Variants in ZNF267 observed in about 807,000 individuals in gnomAD.
ZNF267 encodes zinc finger (C2H2).
Under a neutral mutation model 71.6 loss-of-function variants are expected in ZNF267, and 61 were observed. The observed-to-expected ratio is 0.85, with a 90% CI of 0.69 to 1.05. The LOEUF is 1.05. Among genes scored for constraint, ZNF267 ranks in the 50% least tolerant of loss-of-function variants. The pLI is 0.00. For synonymous variants in ZNF267, 288 were observed against 293.2 expected (o/e 0.98, Z 0.18); for missense variants, 852 against 870.0 (o/e 0.98, Z 0.26).
chr16:31,912,181 CT>C (rs1352112310), intron 3 of ZNF267: 1 of 151,632 alleles, frequency 6.6e-6, no homozygotes, highest in Non-Finnish European at 1.5e-5. Context: ...CATTAACATT[CT>C]TTTCTTACAG....
chr16:31,915,936 C>G lies in ZNF267; in HGVS notation c.1687C>G (p.Leu563Val). Residue 563 changes from leucine (L) to valine (V), a missense_variant, in exon 4 of 4, where the codon CTT becomes GTT. Coordinates refer to ENST00000300870, the MANE Select transcript of ZNF267 (RefSeq NM_003414.6). ...CGKAFPYSSHLIRHHRIHTGE... is the reference protein window; with the variant it reads ...CGKAFPYSSHVIRHHRIHTGE... ...CAAAGCCTTTCCTTATAGTTCACACCTTATTCGACATCATCGAATTCATAC... is the reference window on the plus strand; with the variant it reads ...CAAAGCCTTTCCTTATAGTTCACACGTTATTCGACATCATCGAATTCATAC... The G allele has an allele frequency of 6.2e-7, 1 of 1,613,666 alleles. No homozygotes were observed. The highest frequency in any genetic ancestry group is 8.5e-7 in the Non-Finnish European group (1 of 1,179,928).
chr16:31,896,158 G>A (rs1190615181), intron 3 of ZNF267, among the ~76,000 whole-genome samples: 1 of 141,020 alleles, frequency 7.1e-6, no homozygotes, highest in Admixed American at 7.5e-5. Flanking sequence ...CTATAGACAC[G>A]TGCCACCACA....
intron 3 of ZNF267, among the ~76,000 whole-genome samples, chr16:31,902,262 G>A (rs2084047655): frequency 6.6e-6 from 1 of 152,130 alleles, no homozygotes; most frequent in Non-Finnish European, 1.5e-5. Context: ...GCTTAGGATT[G>A]TCTTGGTGAT....
chr16:31,879,680 C>T (rs987058679), intron 1 of ZNF267, among the ~76,000 whole-genome samples: 9 of 152,264 alleles, frequency 5.9e-5, no homozygotes, highest in Non-Finnish European at 1.0e-4. Flanking sequence ...GATCTTCAGT[C>T]GCTTCTAGAA....
chr16:31,915,391 A>ATTTGTTATAGCT lies in ZNF267; in HGVS notation c.1142_1143insTTTGTTATAGCT (p.Lys381delinsAsnLeuLeuTer). ...ATTGATACTGGAGAAAACCTTTACA[A>ATTTGTTATAGCT]ATGTAAAGCATGTAGCAAATCTTTT... On this transcript the variant is annotated stop_gained and protein_altering_variant, in exon 4 of 4. Coordinates refer to ENST00000300870, the MANE Select transcript of ZNF267 (RefSeq NM_003414.6). LOFTEE classifies it high-confidence loss of function. 1 of 1,613,656 alleles carries ATTTGTTATAGCT rather than the reference A, an allele frequency of 6.2e-7. No homozygotes were observed. The highest frequency in any genetic ancestry group is 8.5e-7 in the Non-Finnish European group (1 of 1,179,856).
At chr16:31,901,587 A>C (rs1453937442) in intron 3 of ZNF267, among the ~76,000 whole-genome samples, 2 of 152,156 alleles carry the variant, frequency 1.3e-5, no homozygotes, top group Non-Finnish European at 2.9e-5. Flanking sequence ...TTGGCTGCAT[A>C]AATGTCTTCT....
chr16:31,906,350 A>AT (rs2084089993), intron 3 of ZNF267, among the ~76,000 whole-genome samples: 1 of 152,064 alleles, frequency 6.6e-6, no homozygotes, highest in African/African-American at 2.4e-5. Flanking sequence ...GCTGCCTTTT[A>AT]TTTGTCTGTG....
At chr16:31,898,384 G>T (rs1054727995) in intron 3 of ZNF267, among the ~76,000 whole-genome samples, 10 of 151,966 alleles carry the variant, frequency 6.6e-5, no homozygotes, top group Non-Finnish European at 1.5e-4. Context: ...GTCGGATCTT[G>T]TTTATTGAAT....
chr16:31,884,474 G>A, intron 1 of ZNF267, 24 bp from the exon 2 acceptor site: 2 of 1,613,856 alleles, frequency 1.2e-6, no homozygotes, highest in Non-Finnish European at 1.7e-6. Context: ...CACATGGTCA[G>A]TGTATTCTTT....
Position 31,915,331 on chromosome 16 carries a change from T to G in ZNF267, c.1082T>G (p.Leu361Arg), listed in dbSNP as rs774354962. 2 of 1,613,740 alleles carry G rather than the reference T, an allele frequency of 1.2e-6. No homozygotes were observed. The highest frequency in any genetic ancestry group is 1.7e-6 in the Non-Finnish European group (2 of 1,179,868). Residue 361 changes from leucine to arginine, a missense_variant, in exon 4 of 4, where the codon CTT becomes CGT. By Grantham distance (102) the Leu-to-Arg change is moderately radical. Coordinates refer to ENST00000300870, the MANE Select transcript of ZNF267 (RefSeq NM_003414.6). ...KWKECGKVFN[L>R]NCSLYLTKQQ... is the part of the protein sequence containing the mutation. ...AAAGAATGTGGCAAGGTCTTTAACC[T>G]TAACTGTAGTTTATACCTTACTAAA...
At chr16:31,897,237 T>A (rs1456595228) in intron 3 of ZNF267, among the ~76,000 whole-genome samples, 1 of 151,956 alleles carries the variant, frequency 6.6e-6, no homozygotes, top group Non-Finnish European at 1.5e-5. Flanking sequence ...CATAATTCCA[T>A]TCACAATAGC....
At chr16:31,914,326 G>A in intron 3 of ZNF267, 150 bp from the exon 4 acceptor site, 1 of 673,714 alleles carries the variant, frequency 1.5e-6, no homozygotes, top group Non-Finnish European at 2.4e-6. Context: ...TTGTAGTAAA[G>A]TTTGTATATC....
intron 3 of ZNF267, chr16:31,894,950 A>C (rs958482060): frequency 2.9e-6 from 1 of 349,734 alleles, no homozygotes; most frequent in Non-Finnish European, 5.7e-6. Flanking sequence ...TGTGTTAAGA[A>C]GACAGCCTCT....
rs2084084763 is a variant in ZNF267, at chr16:31,905,776, T to C, written c.227-8700T>C. Among the ~76,000 whole-genome samples the C allele has an allele frequency of 2.0e-5, 3 of 152,218 alleles. No homozygotes were observed. In the South Asian group the frequency reaches 6.2e-4, roughly 32 times the overall value. On this transcript the variant is annotated intron_variant, in intron 3 of 3. Coordinates refer to ENST00000300870, the MANE Select transcript of ZNF267 (RefSeq NM_003414.6). ...GTAGTTTGATTGTCTGACGCCTTCT[T>C]CTCTCACCTCGTCAAAGTCATTCTC...
In ZNF267 at chr16:31,915,802, A is replaced by G; in HGVS notation, c.1553A>G (p.Asn518Ser). 6.2e-7 allele frequency: 1 copy of G among 1,613,196 alleles called. No individual in the cohort carries two copies. Among genetic ancestry groups the G allele is most frequent in the Non-Finnish European group, 8.5e-7 (1 of 1,179,956 alleles). The stretch of plus-strand genomic sequence containing the variant: ...CATCGGAAAATTCATACTGGAGAAA[A>G]TCTTTACAAATGCAAAGTATGTGCT... Reference protein sequence around the residue: ...TQHRKIHTGENLYKCKVCAKP... With the variant: ...TQHRKIHTGESLYKCKVCAKP... Residue 518 changes from asparagine (N) to serine (S), a missense_variant, in exon 4 of 4, where the codon AAT (asparagine) becomes AGT (serine). Physicochemically the swap from Asn to Ser is conservative, Grantham distance 46. Coordinates refer to ENST00000300870, the MANE Select transcript of ZNF267 (RefSeq NM_003414.6).
chr16:31,883,705 A>G (rs1237017346), intron 1 of ZNF267, among the ~76,000 whole-genome samples: 2 of 152,236 alleles, frequency 1.3e-5, no homozygotes, highest in Non-Finnish European at 2.9e-5. Flanking sequence ...GATATCTGAT[A>G]TATTGTGCAT....
rs756038004 is a variant in ZNF267, at chr16:31,884,572, G to A, written c.78G>A (p.Lys26=). ...GGGAACACCTGGAACCAGCTCAGAAGAATTTGTATCAGGATGTGATGTTAG... is the reference window on the plus strand; with the variant it reads ...GGGAACACCTGGAACCAGCTCAGAAAAATTTGTATCAGGATGTGATGTTAG... ...EEWEHLEPAQ[K]NLYQDVMLEN... The change falls in exon 2 of 4, where the codon AAG becomes AAA. Residue 26 remains lysine (K), a synonymous_variant. Coordinates refer to ENST00000300870, the MANE Select transcript of ZNF267 (RefSeq NM_003414.6). 6.2e-7 allele frequency: 1 copy of A among 1,614,146 alleles called. No individual in the cohort carries two copies. The highest frequency in any genetic ancestry group is 8.5e-7 in the Non-Finnish European group (1 of 1,180,010).
At chr16:31,907,049 A>G (rs1285767326) in intron 3 of ZNF267, among the ~76,000 whole-genome samples, 1 of 151,666 alleles carries the variant, frequency 6.6e-6, no homozygotes, top group Admixed American at 6.6e-5. Context: ...GGCTTGTGAG[A>G]TTTTTTGCTG....
At chr16:31,908,757 A>G (rs757758832) in intron 3 of ZNF267, among the ~76,000 whole-genome samples, 8 of 151,990 alleles carry the variant, frequency 5.3e-5, no homozygotes, top group East Asian at 1.9e-4. Flanking sequence ...TGGGTTCTCT[A>G]TTCTGTTGCA....
Sources: gnomAD v4.1 joint callset for allele counts (sites outside exome capture counted in the v4.1 genomes callset) on GRCh38, gnomAD v4.1.1 for gene constraint, MANE v1.5 for transcripts, NCBI Gene and HGNC (gene_info 2026-07-23, HGNC 2026-07-21) for gene names.